KCNG3: variants seen among roughly 807,000 people sequenced by gnomAD.
KCNG3 encodes the protein voltage-gated potassium channel regulatory subunit KCNG3.
In KCNG3, 15 loss-of-function variants were observed where a neutral mutation model predicts 29.0. The observed-to-expected ratio is 0.52, with a 90% CI of 0.35 to 0.80. KCNG3 has a LOEUF of 0.80. Among genes scored for constraint, KCNG3 ranks in the 30% least tolerant of loss-of-function variants. The pLI is 0.01. For missense variants in KCNG3, 512 were observed against 605.7 expected, an observed-to-expected ratio of 0.85 and a Z score of 1.62; for synonymous variants, 322 against 248.9, an observed-to-expected ratio of 1.29 and a Z score of -2.76.
At chr2:42,431,533 A>G in the KCNG3 span, among the ~76,000 whole-genome samples, 1 of 152,230 alleles carries the variant, frequency 6.6e-6, no homozygotes, top group South Asian at 2.1e-4. Context: ...CTCAAAAACA[A>G]CATTAGAAAT....
chr2:42,438,836 T>A (rs2103652401), downstream of KCNG3, among the ~76,000 whole-genome samples: 1 of 152,338 alleles, frequency 6.6e-6, no homozygotes, highest in East Asian at 1.9e-4. Context: ...ATCATTAGTC[T>A]ACTTTCAGAA....
rs567390928 is a variant in KCNG3 at position 42,458,614 on chromosome 2, T to C, written c.666-14035A>G. Among the ~76,000 whole-genome samples, 14 of 152,342 alleles carry C rather than the reference T, an allele frequency of 9.2e-5. No individual in the cohort carries two copies. The South Asian group carries it at 2.7e-3, about 29-fold the overall frequency. ...AGGCAATTACTACAAATAACCCTTA[T>C]CTTTTCTGACTCCTTTTGGCATAAT... is the stretch of plus-strand genomic sequence containing the variant. On this transcript the variant is annotated intron_variant, in intron 1 of 1. Coordinates refer to ENST00000306078, the MANE Select transcript of KCNG3 (RefSeq NM_133329.6).
At chr2:42,479,543 G>A (rs1331141168) in intron 1 of KCNG3, among the ~76,000 whole-genome samples, 1 of 151,892 alleles carries the variant, frequency 6.6e-6, no homozygotes, top group Non-Finnish European at 1.5e-5. Flanking sequence ...CCACTTGGGG[G>A]GCTGAGGCAG....
At chr2:42,455,420 C>T (rs997256643) in intron 1 of KCNG3, among the ~76,000 whole-genome samples, 2 of 152,148 alleles carry the variant, frequency 1.3e-5, no homozygotes, top group African/African-American at 4.8e-5. Flanking sequence ...CCAAACAGAA[C>T]CTGATTAAAA....
At chr2:42,410,197 C>T in the KCNG3 span, among the ~76,000 whole-genome samples, 1 of 152,154 alleles carries the variant, frequency 6.6e-6, no homozygotes, top group South Asian at 2.1e-4. Context: ...ATGTTATTCA[C>T]TTGGTCATAT....
chr2:42,457,356 T>C (rs1460358049), intron 1 of KCNG3, among the ~76,000 whole-genome samples: 1 of 148,188 alleles, frequency 6.7e-6, no homozygotes, highest in Non-Finnish European at 1.5e-5. Context: ...TAGCCAAGCA[T>C]GGGGGCACGC....
the KCNG3 span, among the ~76,000 whole-genome samples, chr2:42,389,944 A>G: frequency 1.3e-5 from 2 of 152,156 alleles, no homozygotes; most frequent in African/African-American, 2.4e-5. Context: ...GTTTCTGCCT[A>G]TATTTGTTTC....
chr2:42,398,203 A>T, the KCNG3 span, among the ~76,000 whole-genome samples: 1 of 151,694 alleles, frequency 6.6e-6, no homozygotes, highest in Non-Finnish European at 1.5e-5. Flanking sequence ...AGCTTGGGTG[A>T]CAGAGCGAGA....
At chr2:42,393,450 A>G in the KCNG3 span, among the ~76,000 whole-genome samples, 2 of 152,042 alleles carry the variant, frequency 1.3e-5, no homozygotes, top group African/African-American at 2.4e-5. Context: ...AATCCCAGCT[A>G]TTCTGGAGGC....
chr2:42,417,993 A>T, the KCNG3 span, among the ~76,000 whole-genome samples: 2 of 151,570 alleles, frequency 1.3e-5, no homozygotes, highest in Non-Finnish European at 2.9e-5. Flanking sequence ...ATAAAAAATA[A>T]AAATAAATAA....
rs978796275 is a variant in KCNG3 at position 42,486,776 on chromosome 2, G to A, written c.665+6061C>T. ...TAACTGCCCAGCTCCATGACAGCAGGAACCCTTTGTAGGAACCTCTGTGCC... is the reference window on the plus strand; with the variant it reads ...TAACTGCCCAGCTCCATGACAGCAGAAACCCTTTGTAGGAACCTCTGTGCC... On this transcript the variant is annotated intron_variant, in intron 1 of 1. Transcript: ENST00000306078. Among the ~76,000 whole-genome samples the A allele has an allele frequency of 2.6e-5, 4 of 152,170 alleles. No individual in the cohort carries two copies. The East Asian group carries it at 5.8e-4, about 22-fold the overall frequency.
chr2:42,493,327 T>G lies in KCNG3; in HGVS notation c.175A>C (p.Asn59His). Residue 59 changes from asparagine (N) to histidine (H), a missense_variant, in exon 1 of 2, where the codon AAC (asparagine) becomes CAC (histidine). Asn to His is a moderately conservative substitution (Grantham distance 68). Transcript: ENST00000306078. Reference sequence around the variant, plus strand: ...GAGTGCCGGTCGAAGAAGTACTCGTTGCGCTCGCGGTCGTAGTCGTCGCAC... The same window carrying G: ...GAGTGCCGGTCGAAGAAGTACTCGTGGCGCTCGCGGTCGTAGTCGTCGCAC... ...EVCDDYDRER[N>H]EYFFDRHSEA... is the part of the protein sequence containing the mutation. The G allele has an allele frequency of 6.2e-7, 1 of 1,606,482 alleles. No individual in the cohort carries two copies. Among genetic ancestry groups the G allele is most frequent in the Non-Finnish European group, 8.5e-7 (1 of 1,176,720 alleles).
At chr2:42,458,569 G>GTGTT (rs1319115763) in intron 1 of KCNG3, among the ~76,000 whole-genome samples, 1 of 152,226 alleles carries the variant, frequency 6.6e-6, no homozygotes, top group African/African-American at 2.4e-5. Context: ...CCATCAAAGT[G>GTGTT]TGTTTCTGTG....
intron 1 of KCNG3, among the ~76,000 whole-genome samples, chr2:42,465,818 T>C (rs906882926): frequency 3.9e-5 from 6 of 152,154 alleles, no homozygotes; most frequent in African/African-American, 1.2e-4. Context: ...ATAGGCTATG[T>C]GGACAAACAT....
intron 1 of KCNG3, among the ~76,000 whole-genome samples, chr2:42,449,102 G>A (rs1672682481): frequency 6.6e-6 from 1 of 152,100 alleles, no homozygotes; most frequent in Admixed American, 6.6e-5. Context: ...GGGGGTCCTG[G>A]AACCAACATC....
intron 1 of KCNG3, among the ~76,000 whole-genome samples, chr2:42,491,087 G>A (rs1673862070): frequency 1.3e-5 from 2 of 152,148 alleles, no homozygotes; most frequent in African/African-American, 2.4e-5. Context: ...GCTCTGACTT[G>A]AATAATTATA....
chr2:42,468,912 C>G (rs1015180076), intron 1 of KCNG3, among the ~76,000 whole-genome samples: 2 of 127,944 alleles, frequency 1.6e-5, no homozygotes, highest in African/African-American at 6.1e-5. Flanking sequence ...CGAGATCATG[C>G]CACTGCACTA....
At chr2:42,455,127 G>A (rs1672847639) in intron 1 of KCNG3, among the ~76,000 whole-genome samples, 1 of 152,146 alleles carries the variant, frequency 6.6e-6, no homozygotes, top group South Asian at 2.1e-4. Flanking sequence ...GAAGGCTAGA[G>A]CCTTAATACA....
chr2:42,473,493 G>C (rs1267241314), intron 1 of KCNG3, among the ~76,000 whole-genome samples: 2 of 152,008 alleles, frequency 1.3e-5, no homozygotes, highest in Non-Finnish European at 2.9e-5. Flanking sequence ...GGGACTACAG[G>C]CACACACCAC....
Sources: gnomAD v4.1 joint callset for allele counts (sites outside exome capture counted in the v4.1 genomes callset) on GRCh38, gnomAD v4.1.1 for gene constraint, MANE v1.5 for transcripts, NCBI Gene and HGNC (gene_info 2026-07-23, HGNC 2026-07-21) for gene names.